ETV1: variants seen among roughly 807,000 people sequenced by gnomAD.
The protein encoded by ETV1 is ETS translocation variant 1.
Under a neutral mutation model 62.3 loss-of-function variants are expected in ETV1, and 27 were observed. The observed-to-expected ratio is 0.43, with a 90% confidence interval of 0.32 to 0.60. The LOEUF (loss-of-function observed/expected upper bound fraction) is 0.60. ETV1 is among the 20% of genes least tolerant of loss of function. The pLI, the probability that ETV1 is intolerant of heterozygous loss-of-function variation, is 0.06. For missense variants in ETV1, 605 were observed against 605.8 expected (o/e 1.00, Z 0.01); for synonymous variants, 222 against 199.6 (o/e 1.11, Z -0.94).
At chr7:13,983,309 A>C (rs968041094) in intron 5 of ETV1, among the ~76,000 whole-genome samples, 3 of 152,026 alleles carry the variant, frequency 2.0e-5, no homozygotes, top group Non-Finnish European at 4.4e-5. Flanking sequence ...TTGTGTTAGT[A>C]GGTGAGCTTT....
intron 9 of ETV1, among the ~76,000 whole-genome samples, chr7:13,922,948 T>C (rs1194964312): frequency 6.6e-6 from 1 of 152,310 alleles, no homozygotes; most frequent in East Asian, 1.9e-4. Flanking sequence ...TAAATAGCAA[T>C]AAATTGTTTT....
At chr7:13,954,341 T>G (rs1421728112) in intron 6 of ETV1, among the ~76,000 whole-genome samples, 1 of 152,202 alleles carries the variant, frequency 6.6e-6, no homozygotes, top group Admixed American at 6.5e-5. Flanking sequence ...TAGCATGATC[T>G]AAACAATTCT....
At chr7:13,904,117 A>T (rs1396970249) in intron 12 of ETV1, among the ~76,000 whole-genome samples, 1 of 152,080 alleles carries the variant, frequency 6.6e-6, no homozygotes, top group Non-Finnish European at 1.5e-5. Flanking sequence ...AATTTCACAA[A>T]CCCTTTCCAA....
intron 6 of ETV1, 125 bp downstream of exon 6, chr7:13,977,302 A>C: frequency 1.7e-6 from 1 of 593,752 alleles, no homozygotes; most frequent in Non-Finnish European, 3.0e-6. Flanking sequence ...TTATGGCTGT[A>C]AGTTAAAAAG....
chr7:13,980,704 T>C (rs1781893377), intron 5 of ETV1, among the ~76,000 whole-genome samples: 1 of 152,048 alleles, frequency 6.6e-6, no homozygotes, highest in Non-Finnish European at 1.5e-5. Context: ...TGCCATCAAG[T>C]CTCAGGATGT....
rs771840153 is a variant in ETV1, at chr7:13,895,937, C to T, written c.1363G>A (p.Glu455Lys). ...EDTVPLSHFD[E>K]SMAYMPEGGC... ...CCTTCCGGCATGTAGGCCATGCTCT[C>T]ATCAAAGTGAGAAAGAGGCACTGTG... Residue 455 changes from glutamate to lysine, a missense_variant, in exon 14 of 14, where the codon GAG (glutamate) becomes AAG (lysine). Physicochemically the swap from Glu to Lys is moderately conservative, Grantham distance 56. Coordinates refer to ENST00000430479, the MANE Select transcript of ETV1 (RefSeq NM_004956.5). 3.1e-6 allele frequency: 5 copies of T among 1,613,630 alleles called. No individual in the cohort carries two copies. The Admixed American group carries it at 8.3e-5, about 27-fold the overall frequency.
At chr7:13,988,655 A>C in intron 3 of ETV1, 1 of 1,589,384 alleles carries the variant, frequency 6.3e-7, no homozygotes, top group South Asian at 1.2e-5. Flanking sequence ...CCATATAAAC[A>C]AAAAGTGTCA....
chr7:13,894,151 A>C lies in ETV1; in HGVS notation c.*1715T>G. On this transcript the variant is annotated 3_prime_UTR_variant, in exon 14 of 14. Coordinates refer to ENST00000430479, the MANE Select transcript of ETV1 (RefSeq NM_004956.5). ...ATAGGTTTATTTTGACTTTGTGTTT[A>C]GAATTTTTTTTTTTTTTTGCTTTTT... 1 of 223,898 alleles carries C rather than the reference A, an allele frequency of 4.5e-6. No individual in the cohort carries two copies. The highest frequency in any genetic ancestry group is 2.4e-5 in the African/African-American group (1 of 40,964). 13.9% of individuals were successfully genotyped at this position (223,898 alleles called of 1,614,324 possible). A position where few individuals can be genotyped will look rare whatever the true frequency, so the allele number is the denominator to read the frequency against.
In ETV1 at chr7:13,902,083, T is replaced by C. The variant is rs2299097; in HGVS notation, c.1111-1244A>G. 3.9e-4 allele frequency among the ~76,000 whole-genome samples: 60 copies of C among 152,274 alleles called. No homozygotes were observed. In the East Asian group the frequency reaches 0.011, roughly 27 times the overall value. On this transcript the variant is annotated intron_variant, in intron 12 of 13. Transcript: ENST00000430479. The stretch of plus-strand genomic sequence containing the variant: ...CATTAATTTCCACTTTTTATTAGTC[T>C]GAGAAGAAACTGCAGCTGCCACGCA...
rs1231705495 is a variant in ETV1 at position 13,895,108 on chromosome 7, G to A, written c.*758C>T. On this transcript the variant is annotated 3_prime_UTR_variant, in exon 14 of 14. Coordinates refer to ENST00000430479, the MANE Select transcript of ETV1 (RefSeq NM_004956.5). ...TGGGCTTCAAAATATTTAAAAGACG[G>A]TATGATTTGTATCTAAACAGCAAGG... 1 of 233,248 alleles carries A rather than the reference G, an allele frequency of 4.3e-6. No homozygotes were observed. The highest frequency in any genetic ancestry group is 6.0e-5 in the East Asian group (1 of 16,542). The allele number at this position is 233,248 out of a possible 1,614,324, so 14.4% of individuals were successfully genotyped here. A position where few individuals can be genotyped will look rare whatever the true frequency, so the allele number is the denominator to read the frequency against.
intron 6 of ETV1, among the ~76,000 whole-genome samples, chr7:13,947,294 A>G (rs887501877): frequency 3.3e-5 from 5 of 152,092 alleles, no homozygotes; most frequent in African/African-American, 1.2e-4. Flanking sequence ...TAAATTAAAC[A>G]AAGATAATAT....
intron 9 of ETV1, among the ~76,000 whole-genome samples, chr7:13,924,097 T>C (rs1293763065): frequency 1.3e-5 from 2 of 152,052 alleles, no homozygotes; most frequent in Non-Finnish European, 2.9e-5. Flanking sequence ...ACCCTATTCC[T>C]CAACAACAGC....
chr7:13,902,329 T>A (rs1282959508), intron 12 of ETV1, among the ~76,000 whole-genome samples: 1 of 152,178 alleles, frequency 6.6e-6, no homozygotes, highest in Non-Finnish European at 1.5e-5. Context: ...TAATTTTTAT[T>A]CTCTGAATGA....
intron 8 of ETV1, among the ~76,000 whole-genome samples, chr7:13,932,489 G>T (rs1252011149): frequency 1.3e-5 from 2 of 152,146 alleles, no homozygotes; most frequent in East Asian, 3.9e-4. Flanking sequence ...GATCTCCAAA[G>T]GTGAAAATAA....
intron 12 of ETV1, among the ~76,000 whole-genome samples, chr7:13,903,073 G>C (rs1372297759): frequency 6.6e-6 from 1 of 152,138 alleles, no homozygotes; most frequent in Non-Finnish European, 1.5e-5. Context: ...AGTTCATTCA[G>C]CCTTCACATA....
intron 12 of ETV1, among the ~76,000 whole-genome samples, chr7:13,901,065 C>A (rs369174405): frequency 1.3e-5 from 2 of 149,472 alleles, no homozygotes; most frequent in East Asian, 4.0e-4. Flanking sequence ...AGTGCAGTGG[C>A]GCGAACTTGG....
chr7:13,907,631 TTGGGGATTGAG>T, intron 11 of ETV1, among the ~76,000 whole-genome samples: 1 of 152,244 alleles, frequency 6.6e-6, no homozygotes, highest in East Asian at 1.9e-4. Flanking sequence ...ACTGCTCACA[TTGGGGATTGAG>T]TGTCTAGGGC....
chr7:13,959,193 G>A (rs1415889710), intron 6 of ETV1, among the ~76,000 whole-genome samples: 1 of 151,976 alleles, frequency 6.6e-6, no homozygotes. Context: ...CACATCTATA[G>A]TATCCTCACT....
Position 13,895,968 on chromosome 7 carries a change from C to T in ETV1, c.1332G>A (p.Glu444=). ...AGTGAGAAAGAGGCACTGTGTCCTC[C>T]TCGTTGATGTGACGTTCCATGTCTG... ...LKTDMERHIN[E]EDTVPLSHFD... The change falls in exon 14 of 14, where the codon GAG becomes GAA. Residue 444 remains glutamate (E), a synonymous_variant. Transcript: ENST00000430479. 6.2e-7 allele frequency: 1 copy of T among 1,613,652 alleles called. No homozygotes were observed. Among genetic ancestry groups the T allele is most frequent in the Middle Eastern group, 1.6e-4 (1 of 6,062 alleles).
Sources: gnomAD v4.1 joint callset for allele counts (sites outside exome capture counted in the v4.1 genomes callset) on GRCh38, gnomAD v4.1.1 for gene constraint, MANE v1.5 for transcripts, NCBI Gene and HGNC (gene_info 2026-07-23, HGNC 2026-07-21) for gene names.